Variants in SLC16A9 observed in about 807,000 individuals in gnomAD.
SLC16A9 encodes the protein solute carrier family 16 member 9, also known as monocarboxylate transporter 9.
Under a neutral mutation model 44.3 loss-of-function variants are expected in SLC16A9, and 26 were observed. That is an observed-to-expected ratio of 0.59 (90% confidence interval 0.43 to 0.81). SLC16A9 has a LOEUF of 0.81. SLC16A9 is among the 40% of genes least tolerant of loss of function. The probability of loss-of-function intolerance (pLI) is 0.00; values close to 1 mark genes in which losing one functional copy is unlikely to be tolerated. For missense variants in SLC16A9, 559 were observed against 595.8 expected (o/e 0.94, Z 0.64); for synonymous variants, 230 against 225.1 (o/e 1.02, Z -0.19).
At chr10:59,674,220 G>A (rs773581098) in intron 2 of SLC16A9, among the ~76,000 whole-genome samples, 1 of 152,116 alleles carries the variant, frequency 6.6e-6, no homozygotes, top group Non-Finnish European at 1.5e-5. Flanking sequence ...AGAAACAATG[G>A]AATCCATCAT....
At chr10:59,705,767 C>A (rs1205753878) in intron 1 of SLC16A9, among the ~76,000 whole-genome samples, 1 of 152,062 alleles carries the variant, frequency 6.6e-6, no homozygotes, top group Non-Finnish European at 1.5e-5. Flanking sequence ...AGATTTTAAT[C>A]AACTACTTAT....
At chr10:59,705,589 G>A (rs1490925303) in intron 1 of SLC16A9, among the ~76,000 whole-genome samples, 3 of 152,190 alleles carry the variant, frequency 2.0e-5, no homozygotes, top group Non-Finnish European at 1.5e-5. Flanking sequence ...CCCCAGGAAA[G>A]TGGAAGTGTT....
At chr10:59,668,037 T>C (rs1476493432) in intron 3 of SLC16A9, among the ~76,000 whole-genome samples, 1 of 151,032 alleles carries the variant, frequency 6.6e-6, no homozygotes, top group Non-Finnish European at 1.5e-5. Context: ...CCTCACTCTC[T>C]CTCTGCACTA....
intron 2 of SLC16A9, among the ~76,000 whole-genome samples, chr10:59,683,532 G>A (rs1840068203): frequency 6.6e-6 from 1 of 152,136 alleles, no homozygotes; most frequent in African/African-American, 2.4e-5. Flanking sequence ...GATTGGATTG[G>A]ATTTTGTGAG....
intron 1 of SLC16A9, among the ~76,000 whole-genome samples, chr10:59,708,390 AAGAATTTCTC>A (rs1326113642): frequency 4.1e-4 from 63 of 152,332 alleles, no homozygotes; most frequent in African/African-American, 1.3e-3. Context: ...AACCTGCCTG[AAGAATTTCTC>A]GAAGCTGAAG....
chr10:59,707,793 G>A (rs1356444187), intron 1 of SLC16A9, among the ~76,000 whole-genome samples: 1 of 152,106 alleles, frequency 6.6e-6, no homozygotes, highest in Non-Finnish European at 1.5e-5. Flanking sequence ...CATCTCTGTA[G>A]TTGTCATCCT....
intron 1 of SLC16A9, among the ~76,000 whole-genome samples, chr10:59,691,795 T>A (rs1179014058): frequency 3.3e-5 from 5 of 152,234 alleles, no homozygotes; most frequent in Admixed American, 6.5e-5. Flanking sequence ...TTTCTTCAAC[T>A]CTTTACATTG....
chr10:59,653,618 T>C, intron 5 of SLC16A9, 57 bp downstream of exon 5: 1 of 1,446,774 alleles, frequency 6.9e-7, no homozygotes, highest in Non-Finnish European at 9.4e-7. Flanking sequence ...CCTCTATATC[T>C]GGAGATATGA....
intron 3 of SLC16A9, among the ~76,000 whole-genome samples, chr10:59,671,895 T>C (rs1839758659): frequency 6.6e-6 from 1 of 152,230 alleles, no homozygotes; most frequent in Non-Finnish European, 1.5e-5. Context: ...AATGAGATCA[T>C]ATAAAGCATT....
intron 4 of SLC16A9, among the ~76,000 whole-genome samples, chr10:59,663,349 G>T (rs564639953): frequency 5.9e-5 from 9 of 151,854 alleles, no homozygotes; most frequent in Non-Finnish European, 1.2e-4. Flanking sequence ...CAACAAGAGC[G>T]CAACTCTGTC....
At chr10:59,698,967 C>G (rs1840461967) in intron 1 of SLC16A9, among the ~76,000 whole-genome samples, 1 of 152,158 alleles carries the variant, frequency 6.6e-6, no homozygotes, top group South Asian at 2.1e-4. Flanking sequence ...TTGTCTCGAA[C>G]TCCTGACCTC....
Position 59,664,314 on chromosome 10 carries a change from A to G in SLC16A9, c.349T>C (p.Cys117Arg), listed in dbSNP as rs770508308. The G allele has an allele frequency of 1.4e-5, 22 of 1,608,592 alleles. No homozygotes were observed. Among genetic ancestry groups the G allele is most frequent in the Non-Finnish European group, 1.9e-5 (22 of 1,176,730 alleles). Residue 117 changes from cysteine (C) to arginine (R), a missense_variant, in exon 4 of 6, where the codon TGT (cysteine) becomes CGT (arginine). Cys to Arg is a radical substitution (Grantham distance 180). Transcript: ENST00000395348. ...ACTGTTGCAGTGTATAATAAACCAC[A>G]TCCAAGACCTAAGCATGAGAAGACA... ...FSYGIVVGLG[C>R]GLLYTATVTI...
At chr10:59,673,843 C>A (rs1047493308) in intron 2 of SLC16A9, among the ~76,000 whole-genome samples, 1 of 152,160 alleles carries the variant, frequency 6.6e-6, no homozygotes, top group Admixed American at 6.5e-5. Flanking sequence ...TGAAAATGAT[C>A]TACAACTACA....
intron 4 of SLC16A9, among the ~76,000 whole-genome samples, chr10:59,654,902 G>A (rs1449875206): frequency 6.6e-6 from 1 of 152,080 alleles, no homozygotes; most frequent in Non-Finnish European, 1.5e-5. Context: ...ACCTAGGGCT[G>A]GAATGGTTGA....
intron 4 of SLC16A9, among the ~76,000 whole-genome samples, chr10:59,657,958 T>G (rs1839386380): frequency 1.3e-5 from 2 of 152,148 alleles, no homozygotes; most frequent in South Asian, 4.1e-4. Context: ...CTCTCCCCTC[T>G]TTGGAATTCA....
intron 1 of SLC16A9, among the ~76,000 whole-genome samples, chr10:59,707,570 G>T (rs1193152676): frequency 8.3e-6 from 1 of 120,390 alleles, no homozygotes. Flanking sequence ...TAGATTTGAA[G>T]TGTTCTCACC....
At chr10:59,674,550 C>G (rs1043026068) in intron 2 of SLC16A9, among the ~76,000 whole-genome samples, 3 of 152,214 alleles carry the variant, frequency 2.0e-5, no homozygotes, top group Non-Finnish European at 4.4e-5. Flanking sequence ...CCAAATTTAT[C>G]ATCCAATAGT....
chr10:59,695,219 A>G (rs1289118373), intron 1 of SLC16A9, among the ~76,000 whole-genome samples: 1 of 152,098 alleles, frequency 6.6e-6, no homozygotes, highest in East Asian at 1.9e-4. Context: ...GGGTGATGAA[A>G]ATGCTCTAAA....
At position 59,653,039 on chromosome 10, in the gene SLC16A9, T is replaced by C. The variant is rs1839246415; in HGVS notation, c.1352-89A>G. The stretch of plus-strand genomic sequence containing the variant: ...CTAATTATATCAGTTTTATATATAG[T>C]TATAATTAGTATATATATTACTCCA... On this transcript the variant is annotated intron_variant, in intron 5 of 5. Transcript: ENST00000395348. The C allele has an allele frequency of 1.5e-5, 14 of 946,994 alleles. No individual in the cohort carries two copies. The South Asian group carries it at 2.8e-4, about 19-fold the overall frequency. 58.7% of individuals were successfully genotyped at this position (946,994 alleles called of 1,614,324 possible). A position where few individuals can be genotyped will look rare whatever the true frequency, so the allele number is the denominator to read the frequency against.
Sources: allele counts gnomAD v4.1 joint callset (sites outside exome capture counted in the v4.1 genomes callset), GRCh38; gene constraint gnomAD v4.1.1; transcripts MANE v1.5; gene names NCBI Gene and HGNC (gene_info 2026-07-23, HGNC 2026-07-21).